ATM: variants seen among roughly 807,000 people sequenced by gnomAD.
ATM encodes ATM serine/threonine kinase, also known as serine-protein kinase ATM.
Under a neutral mutation model 387.0 loss-of-function variants are expected in ATM, and 308 were observed. The observed-to-expected ratio is 0.80, with a 90% CI of 0.73 to 0.87. The LOEUF is 0.87. ATM is among the 40% of genes least tolerant of loss of function. The pLI is 0.00. For synonymous variants in ATM, 1,156 were observed against 1,187.3 expected, an observed-to-expected ratio of 0.97 and a Z score of 0.54; for missense variants, 3,312 against 3,560.9, an observed-to-expected ratio of 0.93 and a Z score of 1.78.
chr11:108,311,488 G>A (rs1021950271), intron 39 of ATM, among the ~76,000 whole-genome samples: 53 of 152,254 alleles, frequency 3.5e-4, no homozygotes, highest in Non-Finnish European at 6.2e-4. Flanking sequence ...TTGTGACCAG[G>A]AGACTGAGAC....
chr11:108,361,565 A>T (rs2090761371), intron 61 of ATM, among the ~76,000 whole-genome samples: 1 of 152,072 alleles, frequency 6.6e-6, no homozygotes. Flanking sequence ...AGGCTACAGT[A>T]ACCAAAACAA....
In ATM at chr11:108,329,148, A is replaced by G. The variant is rs771994581; in HGVS notation, c.7217A>G (p.Lys2406Arg). Residue 2406 changes from lysine to arginine, a missense_variant, in exon 49 of 63, where the codon AAA becomes AGA. By Grantham distance (26) the Lys-to-Arg change is conservative. This residue lies in a region of ATM where 1,405 missense variants were observed against 1,604.4 expected (regional missense o/e 0.88). Transcript: ENST00000675843. ...TACCAAAGAATTGAAAACTACATGA[A>G]ATCATCGGAATTTGAAAACAAGCAA... Reference protein sequence around the residue: ...TQYQRIENYMKSSEFENKQAL... With the variant: ...TQYQRIENYMRSSEFENKQAL... The G allele has an allele frequency of 3.1e-6, 5 of 1,614,096 alleles. No individual in the cohort carries two copies. The highest frequency in any genetic ancestry group is 4.2e-6 in the Non-Finnish European group (5 of 1,180,004).
At position 108,330,461 on chromosome 11, in the gene ATM, A is replaced by G. The variant is rs759477896; in HGVS notation, c.7515+40A>G. The G allele has an allele frequency of 1.0e-5, 16 of 1,600,046 alleles. No homozygotes were observed. In the Admixed American group the frequency reaches 2.7e-4, roughly 27 times the overall value. ...GCCCAATATTCTACCCTGTGCTTGA[A>G]AAACTTAGACATAAGCCCCTTGATG... On this transcript the variant is annotated intron_variant, in intron 50 of 62. Transcript: ENST00000675843.
At chr11:108,238,994 A>G (rs1014878380) in intron 5 of ATM, among the ~76,000 whole-genome samples, 5 of 151,914 alleles carry the variant, frequency 3.3e-5, no homozygotes, top group Admixed American at 6.6e-5. Flanking sequence ...CTACCATTCT[A>G]CTTTCTCTCT....
intron 56 of ATM, chr11:108,340,365 C>G (rs1240972061): frequency 6.6e-6 from 1 of 151,186 alleles, no homozygotes; most frequent in East Asian, 1.9e-4. Flanking sequence ...GTGTGTAGAT[C>G]TGTAAGATAA....
chr11:108,304,961 C>CT (rs1284751771), intron 37 of ATM, 109 bp downstream of exon 37: 1 of 1,321,068 alleles, frequency 7.6e-7, no homozygotes, highest in Non-Finnish European at 1.0e-6. Context: ...TCTATAACCT[C>CT]TAAATTTGTT....
chr11:108,330,845 TA>T (rs2086172877), intron 50 of ATM, among the ~76,000 whole-genome samples: 1 of 152,228 alleles, frequency 6.6e-6, no homozygotes, highest in Admixed American at 6.5e-5. Flanking sequence ...CTTTTGTAAG[TA>T]GAGAAAATAT....
chr11:108,315,828 T>C lies in ATM; in HGVS notation c.6012T>C (p.Leu2004=), dbSNP rs1324998068. 1 of 1,611,316 alleles carries C rather than the reference T, an allele frequency of 6.2e-7. No homozygotes were observed. The highest frequency in any genetic ancestry group is 1.7e-5 in the Admixed American group (1 of 59,996). ...TGTTGTTTCCATGTTTTCAGGATCT[T>C]CTCTTAGAAATCTACAGAAGTATAG... The part of the protein sequence containing the change: ...KEETGISLQD[L]LLEIYRSIGE... Residue 2004 remains leucine, a synonymous_variant, in exon 41 of 63, where the codon CTT becomes CTC. Coordinates refer to ENST00000675843, the MANE Select transcript of ATM (RefSeq NM_000051.4).
chr11:108,353,969 T>C (rs1048371326), intron 60 of ATM, 89 bp downstream of exon 60: 191 of 1,316,018 alleles, frequency 1.5e-4, no homozygotes, highest in Middle Eastern at 3.6e-4. Context: ...TAATCCCAGC[T>C]GCTCAAGAGG....
chr11:108,246,053 AC>A (rs1466537241), intron 7 of ATM, among the ~76,000 whole-genome samples: 1 of 151,796 alleles, frequency 6.6e-6, no homozygotes, highest in Non-Finnish European at 1.5e-5. Flanking sequence ...TGAGCTCCTG[AC>A]CTCAAACCAT....
chr11:108,335,363 G>A, intron 55 of ATM: 1 of 1,157,072 alleles, frequency 8.6e-7, no homozygotes, highest in East Asian at 3.1e-5. Flanking sequence ...GACATGTACA[G>A]TGAGGTTGCT....
chr11:108,276,817 G>A (rs933516299), intron 22 of ATM, among the ~76,000 whole-genome samples: 1 of 152,180 alleles, frequency 6.6e-6, no homozygotes, highest in African/African-American at 2.4e-5. Context: ...GCTGGGAGGT[G>A]TCTCCCAGTC....
chr11:108,304,013 G>C (rs2083554185), intron 36 of ATM, among the ~76,000 whole-genome samples: 1 of 152,154 alleles, frequency 6.6e-6, no homozygotes, highest in African/African-American at 2.4e-5. Flanking sequence ...GAAGTATGAT[G>C]AATATGATGG....
rs1064793958 is a variant in ATM, at chr11:108,321,329, C to G, written c.6481C>G (p.Arg2161Gly). 6.2e-7 allele frequency: 1 copy of G among 1,614,098 alleles called. No individual in the cohort carries two copies. Among genetic ancestry groups the G allele is most frequent in the Non-Finnish European group, 8.5e-7 (1 of 1,180,000 alleles). ...RVKEVEEMCK[R>G]SLESVYSLYP... Reference sequence around the variant, plus strand: ...AAAAGAAGTGGAAGAGATGTGTAAGCGCAGCCTTGAGTCTGTGTATTCGCT... The same window carrying G: ...AAAAGAAGTGGAAGAGATGTGTAAGGGCAGCCTTGAGTCTGTGTATTCGCT... Residue 2161 changes from arginine to glycine, a missense_variant, in exon 45 of 63, where the codon CGC becomes GGC. By Grantham distance (125) the Arg-to-Gly change is moderately radical. Around this residue, in one of 4 missense-constraint regions of ATM, gnomAD observed 1,405 missense variants for 1,604.4 expected, o/e 0.88. Coordinates refer to ENST00000675843, the MANE Select transcript of ATM (RefSeq NM_000051.4).
Position 108,315,880 on chromosome 11 carries a change from G to A in ATM, c.6064G>A (p.Gly2022Ser), listed in dbSNP as rs35991214. ...GGAGCCAGATAGTTTGTATGGCTGT[G>A]GTGGAGGGAAGATGTTACAACCCAT... is the stretch of plus-strand genomic sequence containing the variant. ...IGEPDSLYGC[G>S]GGKMLQPITR... The change falls in exon 41 of 63, where the codon GGT (glycine) becomes AGT (serine). Residue 2022 changes from glycine to serine, a missense_variant. Around this residue, in one of 4 missense-constraint regions of ATM, gnomAD observed 1,405 missense variants for 1,604.4 expected, o/e 0.88. Coordinates refer to ENST00000675843, the MANE Select transcript of ATM (RefSeq NM_000051.4). 6.2e-7 allele frequency: 1 copy of A among 1,612,994 alleles called. No homozygotes were observed. Among genetic ancestry groups the A allele is most frequent in the Non-Finnish European group, 8.5e-7 (1 of 1,179,014 alleles).
At position 108,257,614 on chromosome 11, in the gene ATM, T is replaced by G. The variant is rs2135408581; in HGVS notation, c.2376+8T>G. 1 of 1,612,650 alleles carries G rather than the reference T, an allele frequency of 6.2e-7. No homozygotes were observed. On this transcript the variant is annotated splice_region_variant and intron_variant, in intron 15 of 62. Transcript: ENST00000675843. ...TTGAGCAACTGTACCAAGGTAAGAT[T>G]TTCTTCTTCTTGTTTTGTTTTTTGA...
At chr11:108,349,261 T>C (rs1485763432) in intron 59 of ATM, among the ~76,000 whole-genome samples, 3 of 152,164 alleles carry the variant, frequency 2.0e-5, no homozygotes, top group African/African-American at 7.2e-5. Flanking sequence ...ACCTTTGAAT[T>C]TAACAAGTAA....
At chr11:108,261,358 C>T (rs2135444737) in intron 16 of ATM, among the ~76,000 whole-genome samples, 1 of 152,326 alleles carries the variant, frequency 6.6e-6, no homozygotes, top group Middle Eastern at 3.4e-3. Context: ...GGGAGGCACC[C>T]CCCAGCAGGG....
At chr11:108,337,525 G>C (rs1316646259) in intron 56 of ATM, among the ~76,000 whole-genome samples, 1 of 152,158 alleles carries the variant, frequency 6.6e-6, no homozygotes, top group African/African-American at 2.4e-5. Flanking sequence ...TTCTAATTCA[G>C]CAAGATTAGG....
Sources: allele counts gnomAD v4.1 joint callset (sites outside exome capture counted in the v4.1 genomes callset), GRCh38; gene constraint gnomAD v4.1.1; regional missense constraint gnomAD v4.1.1; transcripts MANE v1.5; gene names NCBI Gene and HGNC (gene_info 2026-07-23, HGNC 2026-07-21).